The following NELL1 variants were observed in gnomAD, a reference collection of about 807,000 sequenced individuals.
NELL1 encodes the protein protein kinase C-binding protein NELL1.
Under a neutral mutation model 107.4 loss-of-function variants are expected in NELL1, and 76 were observed. The ratio of observed to expected loss-of-function variants is 0.71; its 90% confidence interval spans 0.59 to 0.86. NELL1 has a LOEUF of 0.86. Ranked by LOEUF, NELL1 falls within the 40% of genes least tolerant of loss-of-function variation. The pLI, the probability that NELL1 is intolerant of heterozygous loss-of-function variation, is 0.00. For missense variants in NELL1, 1,024 were observed against 1,005.5 expected (o/e 1.02, Z -0.25); for synonymous variants, 353 against 341.2 (o/e 1.03, Z -0.38).
chr11:21,013,648 G>A (rs1852500468), intron 12 of NELL1, among the ~76,000 whole-genome samples: 1 of 152,078 alleles, frequency 6.6e-6, no homozygotes, highest in South Asian at 2.1e-4. Context: ...GTGAAGATGT[G>A]TACAGAGCTT....
intron 12 of NELL1, among the ~76,000 whole-genome samples, chr11:21,082,717 C>G (rs1192341416): frequency 6.6e-6 from 1 of 152,008 alleles, no homozygotes; most frequent in African/African-American, 2.4e-5. Flanking sequence ...TGATTCCCCT[C>G]CCCCCAAAAA....
intron 12 of NELL1, among the ~76,000 whole-genome samples, chr11:20,998,060 C>CA (rs1172174295): frequency 6.6e-6 from 1 of 152,134 alleles, no homozygotes; most frequent in Non-Finnish European, 1.5e-5. Flanking sequence ...AAGCAAAATG[C>CA]AAACTATTAT....
At chr11:21,220,158 C>A (rs766608249) in intron 13 of NELL1, among the ~76,000 whole-genome samples, 11 of 152,140 alleles carry the variant, frequency 7.2e-5, no homozygotes, top group Non-Finnish European at 8.8e-5. Context: ...AAATCCAAGC[C>A]ATATCAGCTG....
At chr11:21,246,011 T>A (rs2133903870) in intron 14 of NELL1, among the ~76,000 whole-genome samples, 1 of 152,256 alleles carries the variant, frequency 6.6e-6, no homozygotes, top group African/African-American at 2.4e-5. Context: ...ATTATTCCAT[T>A]TAATACAAAT....
intron 2 of NELL1, among the ~76,000 whole-genome samples, chr11:20,685,209 G>A (rs1854278302): frequency 6.6e-6 from 1 of 151,940 alleles, no homozygotes; most frequent in Non-Finnish European, 1.5e-5. Context: ...TAATTATAGG[G>A]CTCATCTCTT....
intron 14 of NELL1, among the ~76,000 whole-genome samples, chr11:21,298,784 ACAG>A (rs901307712): frequency 1.1e-4 from 16 of 151,970 alleles, no homozygotes; most frequent in Non-Finnish European, 1.6e-4. Context: ...AAGTAAATAA[ACAG>A]CAGCAGCAGC....
intron 13 of NELL1, among the ~76,000 whole-genome samples, chr11:21,128,000 T>C (rs935425898): frequency 2.6e-5 from 4 of 152,292 alleles, no homozygotes; most frequent in African/African-American, 9.6e-5. Context: ...ATCATTGTTT[T>C]TCCTCAGTTT....
chr11:21,126,117 G>A lies in NELL1; in HGVS notation c.1426+12403G>A, dbSNP rs964433329. 5.9e-5 allele frequency among the ~76,000 whole-genome samples: 9 copies of A among 152,268 alleles called. No homozygotes were observed. The East Asian group carries it at 1.5e-3, about 26-fold the overall frequency. ...CTTGTCTACAGCTGTAGGCTAGTTGGTGGTGAGGCAGAGATAGGAAAGTCG... is the reference window on the plus strand; with the variant it reads ...CTTGTCTACAGCTGTAGGCTAGTTGATGGTGAGGCAGAGATAGGAAAGTCG... On this transcript the variant is annotated intron_variant, in intron 13 of 19. Coordinates refer to ENST00000357134, the MANE Select transcript of NELL1 (RefSeq NM_006157.5).
At chr11:20,686,969 G>T (rs1854320181) in intron 2 of NELL1, among the ~76,000 whole-genome samples, 1 of 149,226 alleles carries the variant, frequency 6.7e-6, no homozygotes. Context: ...GAGTAGAGGG[G>T]TCCCTTTTAT....
rs766530776 is a variant in NELL1, at chr11:20,919,299, G to A, written c.724G>A (p.Asp242Asn). 2 of 1,607,048 alleles carry A rather than the reference G, an allele frequency of 1.2e-6. No individual in the cohort carries two copies. Among genetic ancestry groups the A allele is most frequent in the Admixed American group, 1.7e-5 (1 of 59,574 alleles). ...DFLSLVQGIM[D>N]LQELLAKMTA... ...CTTAAGCCTGGTGCAAGGAATAATG[G>A]ATTTACAAGAGCTTTTGGCCAAGAT... Residue 242 changes from aspartate (D) to asparagine (N), a missense_variant, in exon 7 of 20, where the codon GAT becomes AAT. Physicochemically the swap from Asp to Asn is conservative, Grantham distance 23. Transcript: ENST00000357134.
Position 20,772,613 on chromosome 11 carries a change from T to TTTCATTCATTCATTCATTCATTCATTCA in NELL1, c.185-11063_185-11036dup, listed in dbSNP as rs3045564. 2.0e-5 allele frequency among the ~76,000 whole-genome samples: 3 copies of TTTCATTCATTCATTCATTCATTCATTCA among 150,818 alleles called. 1 individual carries two copies. The highest frequency in any genetic ancestry group is 4.4e-5 in the Non-Finnish European group (3 of 67,840). On this transcript the variant is annotated intron_variant, in intron 2 of 19. Transcript: ENST00000357134. ...GCCTATTACCTAAATATTAGGCACT[T>TTTCATTCATTCATTCATTCATTCATTCA]TTCATTCATTCATTCATTCATTCAT...
intron 15 of NELL1, among the ~76,000 whole-genome samples, chr11:21,401,494 A>G (rs1852096985): frequency 6.7e-6 from 1 of 150,356 alleles, no homozygotes. Context: ...AACATCAGCA[A>G]TTTAGTTAAG....
At chr11:21,543,588 A>G (rs189812502) in intron 16 of NELL1, among the ~76,000 whole-genome samples, 21 of 152,154 alleles carry the variant, frequency 1.4e-4, no homozygotes, top group Admixed American at 4.6e-4. Flanking sequence ...AGGACCTTAC[A>G]GTGGACACAC....
chr11:21,483,027 G>C (rs1017233362), intron 15 of NELL1, among the ~76,000 whole-genome samples: 2 of 150,854 alleles, frequency 1.3e-5, no homozygotes, highest in African/African-American at 4.9e-5. Context: ...TTGCTCTGTC[G>C]CCCAGGCTGG....
At chr11:21,298,923 G>C (rs1369535149) in intron 14 of NELL1, among the ~76,000 whole-genome samples, 1 of 151,902 alleles carries the variant, frequency 6.6e-6, no homozygotes, top group Non-Finnish European at 1.5e-5. Flanking sequence ...TCTCTCTCCT[G>C]TGAGGCTATT....
At chr11:21,516,724 CACACACACACACACAT>C (rs1412009055) in intron 15 of NELL1, among the ~76,000 whole-genome samples, 1 of 141,628 alleles carries the variant, frequency 7.1e-6, no homozygotes, top group Non-Finnish European at 1.5e-5. Context: ...GTCTGTCAAT[CACACACACACACACAT>C]ACACACACAC....
chr11:21,203,665 A>G (rs1156796547), intron 13 of NELL1, among the ~76,000 whole-genome samples: 1 of 152,018 alleles, frequency 6.6e-6, no homozygotes, highest in Non-Finnish European at 1.5e-5. Flanking sequence ...ATGATGCTAG[A>G]TGGGTATTTT....
chr11:21,031,517 T>G (rs1283777926), intron 12 of NELL1, among the ~76,000 whole-genome samples: 3 of 152,212 alleles, frequency 2.0e-5, no homozygotes, highest in Non-Finnish European at 4.4e-5. Flanking sequence ...GGAAGGTGGT[T>G]CACCACTCTG....
At chr11:20,672,970 G>GCGC (rs1853952478) in intron 1 of NELL1, among the ~76,000 whole-genome samples, 1 of 100,842 alleles carries the variant, frequency 9.9e-6, no homozygotes, top group Non-Finnish European at 2.1e-5. Flanking sequence ...TCCTGCCTCA[G>GCGC]CCCCCCCCCC....
Sources: gnomAD v4.1 joint callset for allele counts (sites outside exome capture counted in the v4.1 genomes callset) on GRCh38, gnomAD v4.1.1 for gene constraint, MANE v1.5 for transcripts, NCBI Gene and HGNC (gene_info 2026-07-23, HGNC 2026-07-21) for gene names.